RALYL: variants seen among roughly 807,000 people sequenced by gnomAD.
RALYL encodes the protein RALY RNA binding protein like.
RALYL carries 29 observed loss-of-function variants against 35.1 expected under a neutral mutation model. The ratio of observed to expected loss-of-function variants is 0.83; its 90% confidence interval spans 0.61 to 1.13. The LOEUF is 1.13. Ranked by LOEUF, RALYL falls within the 50% of genes most tolerant of loss-of-function variation. The pLI is 0.00. For missense variants in RALYL, 359 were observed against 360.4 expected (o/e 1.00, Z 0.03); for synonymous variants, 120 against 127.6 (o/e 0.94, Z 0.40).
chr8:84,293,856 A>T (rs1012227672), intron 1 of RALYL, among the ~76,000 whole-genome samples: 2 of 152,072 alleles, frequency 1.3e-5, no homozygotes, highest in East Asian at 3.9e-4. Flanking sequence ...TTTCCTTACT[A>T]CTTCTTCTTC....
intron 4 of RALYL, among the ~76,000 whole-genome samples, chr8:84,816,494 A>T (rs1827319063): frequency 6.6e-6 from 1 of 151,688 alleles, no homozygotes; most frequent in Non-Finnish European, 1.5e-5. Flanking sequence ...TACATTGGTT[A>T]AAAAAAACTT....
At chr8:84,215,049 G>T (rs1017553219) in intron 1 of RALYL, among the ~76,000 whole-genome samples, 1 of 151,510 alleles carries the variant, frequency 6.6e-6, no homozygotes. Context: ...GGGACTACAG[G>T]CACCCGCCAC....
chr8:84,317,109 C>T (rs1843896992), intron 1 of RALYL, among the ~76,000 whole-genome samples: 1 of 152,098 alleles, frequency 6.6e-6, no homozygotes, highest in African/African-American at 2.4e-5. Context: ...AGGGATGAAG[C>T]ACATAAAAAC....
At chr8:84,774,472 A>C (rs1215000308) in intron 2 of RALYL, 107 bp from the exon 3 acceptor site, 1 of 722,024 alleles carries the variant, frequency 1.4e-6, no homozygotes, top group Admixed American at 2.6e-5. Context: ...ATGGTGTACA[A>C]TATTTGCATA....
At chr8:84,521,306 G>A (rs564864009) in intron 1 of RALYL, among the ~76,000 whole-genome samples, 1 of 152,298 alleles carries the variant, frequency 6.6e-6, no homozygotes, top group African/African-American at 2.4e-5. Context: ...AGCTTGATCT[G>A]GGACTTCCCA....
intron 4 of RALYL, among the ~76,000 whole-genome samples, chr8:84,821,067 A>ATCC (rs1828407437): frequency 6.6e-6 from 1 of 152,184 alleles, no homozygotes; most frequent in Non-Finnish European, 1.5e-5. Flanking sequence ...AAAGCTAATT[A>ATCC]AGCTTACTTG....
intron 2 of RALYL, among the ~76,000 whole-genome samples, chr8:84,570,227 T>C (rs1285754411): frequency 6.6e-6 from 1 of 151,792 alleles, no homozygotes; most frequent in Admixed American, 6.6e-5. Context: ...AGCATGGGAT[T>C]TTTTTATTTG....
intron 1 of RALYL, among the ~76,000 whole-genome samples, chr8:84,472,422 C>A (rs979050929): frequency 1.3e-5 from 2 of 152,058 alleles, no homozygotes; most frequent in African/African-American, 4.8e-5. Context: ...CTCTAAATAG[C>A]GCCTGAAGAA....
intron 1 of RALYL, among the ~76,000 whole-genome samples, chr8:84,496,849 T>G (rs1215138617): frequency 6.6e-6 from 1 of 152,178 alleles, no homozygotes; most frequent in Non-Finnish European, 1.5e-5. Context: ...AAGCATTTAT[T>G]ATAATCAATA....
At chr8:84,385,589 ATGTC>A (rs1859006703) in intron 1 of RALYL, among the ~76,000 whole-genome samples, 1 of 151,820 alleles carries the variant, frequency 6.6e-6, no homozygotes, top group Non-Finnish European at 1.5e-5. Context: ...CCATTGAACA[ATGTC>A]TGTCTTCATT....
At chr8:84,423,780 A>G (rs1013419186) in intron 1 of RALYL, among the ~76,000 whole-genome samples, 8 of 151,722 alleles carry the variant, frequency 5.3e-5, no homozygotes, top group East Asian at 1.9e-4. Flanking sequence ...GCTTGTCTGT[A>G]AAGTATTTTA....
At chr8:84,763,645 T>A (rs962250077) in intron 2 of RALYL, among the ~76,000 whole-genome samples, 1 of 152,192 alleles carries the variant, frequency 6.6e-6, no homozygotes, top group Non-Finnish European at 1.5e-5. Context: ...TATCTCTTGA[T>A]AAAATATACC....
intron 8 of RALYL, among the ~76,000 whole-genome samples, chr8:84,910,108 C>T (rs1344424797): frequency 6.6e-6 from 1 of 152,114 alleles, no homozygotes; most frequent in Non-Finnish European, 1.5e-5. Flanking sequence ...CCAGTTATAA[C>T]ATGCCCCCTT....
chr8:84,554,148 T>TA (rs1432232239), intron 2 of RALYL, among the ~76,000 whole-genome samples: 2 of 152,190 alleles, frequency 1.3e-5, no homozygotes, highest in African/African-American at 2.4e-5. Flanking sequence ...ACAAAATTCC[T>TA]AAAAAAATTA....
chr8:84,778,083 A>C (rs553305624), intron 3 of RALYL, among the ~76,000 whole-genome samples: 47 of 152,228 alleles, frequency 3.1e-4, no homozygotes, highest in Non-Finnish European at 4.4e-4. Context: ...GGAAACTAGC[A>C]TAGAAAATGG....
At chr8:84,898,278 T>C (rs756325935) in intron 8 of RALYL, among the ~76,000 whole-genome samples, 4 of 152,184 alleles carry the variant, frequency 2.6e-5, no homozygotes, top group South Asian at 4.1e-4. Flanking sequence ...TTCTAGGTGA[T>C]TGTGGTGCCT....
In RALYL at chr8:84,644,803, G is replaced by A. The variant is rs569014241; in HGVS notation, c.256+115226G>A. 8.2e-4 allele frequency among the ~76,000 whole-genome samples: 124 copies of A among 151,600 alleles called. 1 individual carries two copies. The highest frequency in any genetic ancestry group is 1.5e-3 in the Non-Finnish European group (102 of 67,928). ...GTCTTGCTCTCTTGCCCGGGCTGGA[G>A]TGCAGTGGTTCAATTTTGGCTCACT... On this transcript the variant is annotated intron_variant, in intron 2 of 8. Transcript: ENST00000521268.
intron 1 of RALYL, among the ~76,000 whole-genome samples, chr8:84,450,913 T>G (rs1282082644): frequency 6.6e-6 from 1 of 152,024 alleles, no homozygotes; most frequent in Admixed American, 6.6e-5. Context: ...TTTTTACACA[T>G]TTCTACTTCA....
At chr8:84,627,588 G>C (rs1405344341) in intron 2 of RALYL, among the ~76,000 whole-genome samples, 1 of 150,152 alleles carries the variant, frequency 6.7e-6, no homozygotes, top group African/African-American at 2.5e-5. Flanking sequence ...AGATTTCTTC[G>C]TGCATTTCTG....
Sources: gnomAD v4.1 joint callset for allele counts (sites outside exome capture counted in the v4.1 genomes callset) on GRCh38, gnomAD v4.1.1 for gene constraint, MANE v1.5 for transcripts, NCBI Gene and HGNC (gene_info 2026-07-23, HGNC 2026-07-21) for gene names.